Variants in CNTNAP5 observed in about 807,000 individuals in gnomAD.
The protein encoded by CNTNAP5 is contactin associated protein family member 5.
A neutral mutation model predicts 150.2 loss-of-function variants in CNTNAP5; 72 were observed. The ratio of observed to expected loss-of-function variants is 0.48; its 90% CI spans 0.40 to 0.58. CNTNAP5 has a LOEUF of 0.58. Among genes scored for constraint, CNTNAP5 ranks in the 20% least tolerant of loss-of-function variants. The probability of loss-of-function intolerance (pLI) is 0.00; values close to 1 mark genes in which losing one functional copy is unlikely to be tolerated. For synonymous variants in CNTNAP5, 672 were observed against 619.8 expected, an observed-to-expected ratio of 1.08 and a Z score of -1.25; for missense variants, 1,636 against 1,626.2, an observed-to-expected ratio of 1.01 and a Z score of -0.10.
intron 1 of CNTNAP5, among the ~76,000 whole-genome samples, chr2:124,185,242 G>C (rs11695218): frequency 0.19 from 29,381 of 151,996 alleles, 2,958 homozygotes; most frequent in Non-Finnish European, 0.22. Flanking sequence ...TACTATGTCA[G>C]CATTACTGAG....
intron 1 of CNTNAP5, among the ~76,000 whole-genome samples, chr2:124,114,725 A>G (rs1190519760): frequency 6.6e-6 from 1 of 151,878 alleles, no homozygotes; most frequent in South Asian, 2.1e-4. Context: ...AATTTCATCA[A>G]TAAATACGAT....
intron 2 of CNTNAP5, among the ~76,000 whole-genome samples, chr2:124,232,894 A>C (rs991640486): frequency 5.3e-5 from 8 of 152,188 alleles, no homozygotes; most frequent in African/African-American, 1.7e-4. Context: ...ACACTGGTTG[A>C]AAAATATTAA....
chr2:124,359,313 G>C (rs1213749801), intron 3 of CNTNAP5, among the ~76,000 whole-genome samples: 1 of 150,500 alleles, frequency 6.6e-6, no homozygotes, highest in Non-Finnish European at 1.5e-5. Flanking sequence ...CTTCAGTTCT[G>C]CCCTGATTTT....
At chr2:124,543,742 T>A (rs1363119199) in intron 10 of CNTNAP5, among the ~76,000 whole-genome samples, 1 of 152,166 alleles carries the variant, frequency 6.6e-6, no homozygotes, top group Non-Finnish European at 1.5e-5. Flanking sequence ...TTCATTTGGC[T>A]TTGTCAAACT....
intron 13 of CNTNAP5, among the ~76,000 whole-genome samples, chr2:124,665,371 G>T (rs1335005002): frequency 1.3e-5 from 2 of 152,062 alleles, no homozygotes; most frequent in African/African-American, 4.8e-5. Flanking sequence ...TCAAATATTT[G>T]GTTAACGTCA....
intron 3 of CNTNAP5, among the ~76,000 whole-genome samples, chr2:124,320,414 A>T (rs1260930499): frequency 6.6e-6 from 1 of 152,188 alleles, no homozygotes; most frequent in Admixed American, 6.5e-5. Context: ...ATATTGAAGA[A>T]CTTGTTGAAT....
intron 13 of CNTNAP5, among the ~76,000 whole-genome samples, chr2:124,668,265 G>A (rs1027818058): frequency 6.6e-6 from 1 of 152,152 alleles, no homozygotes; most frequent in East Asian, 1.9e-4. Flanking sequence ...CAGGGAGCAG[G>A]CCAAGAGATT....
At chr2:124,241,702 C>G (rs538993681) in intron 2 of CNTNAP5, among the ~76,000 whole-genome samples, 21 of 152,174 alleles carry the variant, frequency 1.4e-4, no homozygotes, top group African/African-American at 5.1e-4. Context: ...GTATCTGCAG[C>G]ACAATATCTT....
intron 6 of CNTNAP5, among the ~76,000 whole-genome samples, chr2:124,462,442 AG>A (rs1326925110): frequency 6.6e-6 from 1 of 152,232 alleles, no homozygotes; most frequent in African/African-American, 2.4e-5. Flanking sequence ...ATTTGTTAAA[AG>A]CAAATTAATT....
At chr2:124,857,626 G>C (rs1331913899) in intron 19 of CNTNAP5, among the ~76,000 whole-genome samples, 1 of 151,670 alleles carries the variant, frequency 6.6e-6, no homozygotes, top group Non-Finnish European at 1.5e-5. Context: ...AGGATTTCAA[G>C]TCCAGCCTGA....
At chr2:124,405,273 C>T (rs1410957312) in intron 3 of CNTNAP5, among the ~76,000 whole-genome samples, 5 of 152,028 alleles carry the variant, frequency 3.3e-5, no homozygotes, top group East Asian at 3.9e-4. Flanking sequence ...TGTGGAGGGG[C>T]GGGAACAGGG....
chr2:124,067,150 G>A (rs1682181183), intron 1 of CNTNAP5, among the ~76,000 whole-genome samples: 1 of 152,054 alleles, frequency 6.6e-6, no homozygotes, highest in South Asian at 2.1e-4. Context: ...AAGATACTTG[G>A]GTGAACACAC....
chr2:124,321,738 C>T (rs182408709), intron 3 of CNTNAP5, among the ~76,000 whole-genome samples: 1 of 151,970 alleles, frequency 6.6e-6, no homozygotes, highest in East Asian at 1.9e-4. Flanking sequence ...GTTGATAGTC[C>T]CAATTTCCAT....
At chr2:124,655,032 T>C (rs1031976930) in intron 13 of CNTNAP5, among the ~76,000 whole-genome samples, 1 of 152,064 alleles carries the variant, frequency 6.6e-6, no homozygotes, top group African/African-American at 2.4e-5. Flanking sequence ...AATGTGCATG[T>C]TTGTTACACA....
intron 1 of CNTNAP5, among the ~76,000 whole-genome samples, chr2:124,031,595 G>A (rs1681052433): frequency 6.6e-6 from 1 of 152,036 alleles, no homozygotes; most frequent in Non-Finnish European, 1.5e-5. Context: ...TTGCTATGAT[G>A]GTCTTATTTA....
chr2:124,607,248 A>T (rs1348004137), intron 11 of CNTNAP5, among the ~76,000 whole-genome samples: 1 of 152,116 alleles, frequency 6.6e-6, no homozygotes, highest in Non-Finnish European at 1.5e-5. Flanking sequence ...ATGCAGCTGC[A>T]AAAAAGATGT....
chr2:124,125,782 T>C (rs1248059406), intron 1 of CNTNAP5, among the ~76,000 whole-genome samples: 1 of 152,156 alleles, frequency 6.6e-6, no homozygotes, highest in Non-Finnish European at 1.5e-5. Flanking sequence ...CTCAACTATA[T>C]GGAAACTGAA....
rs192853374 is a variant in CNTNAP5, at chr2:124,224,197, T to G, written c.187+2388T>G. On this transcript the variant is annotated intron_variant, in intron 2 of 23. Transcript: ENST00000682447. The stretch of plus-strand genomic sequence containing the variant: ...CTAAAATGGAACAAGAGTTGCAAAT[T>G]GCTACATTGGAGGAATTCATGAGTA... Among the ~76,000 whole-genome samples, 3 of 152,250 alleles carry G rather than the reference T, an allele frequency of 2.0e-5. No homozygotes were observed. In the East Asian group the frequency reaches 5.8e-4, roughly 29 times the overall value.
chr2:124,157,173 AGGTT>A (rs1684566335), intron 1 of CNTNAP5, among the ~76,000 whole-genome samples: 3 of 131,644 alleles, frequency 2.3e-5, no homozygotes, highest in Non-Finnish European at 3.4e-5. Flanking sequence ...CAGGATTTGC[AGGTT>A]GCACCGTGAG....
Sources: gnomAD v4.1 joint callset for allele counts (sites outside exome capture counted in the v4.1 genomes callset) on GRCh38, gnomAD v4.1.1 for gene constraint, MANE v1.5 for transcripts, NCBI Gene and HGNC (gene_info 2026-07-23, HGNC 2026-07-21) for gene names.